The following DENND10 variants were observed in gnomAD, a reference collection of about 807,000 sequenced individuals.
The protein encoded by DENND10 is DENN domain-containing protein 10.
A neutral mutation model predicts 43.6 loss-of-function variants in DENND10; 24 were observed. The ratio of observed to expected loss-of-function variants is 0.55; its 90% CI spans 0.40 to 0.77. The LOEUF (loss-of-function observed/expected upper bound fraction) is 0.77. DENND10 is among the 30% of genes least tolerant of loss of function. The pLI, the probability that DENND10 is intolerant of heterozygous loss-of-function variation, is 0.00. For synonymous variants in DENND10, 125 were observed against 157.6 expected (o/e 0.79, Z 1.55); for missense variants, 303 against 429.9 (o/e 0.70, Z 2.61).
intron 6 of DENND10, among the ~76,000 whole-genome samples, chr10:119,127,317 C>T (rs750107354): frequency 6.6e-6 from 1 of 152,050 alleles, no homozygotes; most frequent in Non-Finnish European, 1.5e-5. Context: ...CTATGGATAA[C>T]CACTTGGACC....
chr10:119,117,707 C>T (rs767581508), intron 4 of DENND10, 40 bp downstream of exon 4: 12 of 1,603,894 alleles, frequency 7.5e-6, no homozygotes, highest in Non-Finnish European at 1.0e-5. Flanking sequence ...GTGGCTCACG[C>T]CTGTAATCCC....
chr10:119,114,208 C>G lies in DENND10; in HGVS notation c.332+2280C>G, dbSNP rs542102543. On this transcript the variant is annotated intron_variant, in intron 3 of 8. Transcript: ENST00000361432. ...TACTGCCAGCCGCCTCCTCTGCTTCCTGCCCCTTCATGCAGCACTATGCTC... is the reference window on the plus strand; with the variant it reads ...TACTGCCAGCCGCCTCCTCTGCTTCGTGCCCCTTCATGCAGCACTATGCTC... The G allele has an allele frequency of 2.6e-5, 4 of 152,504 alleles. No homozygotes were observed. In the South Asian group the frequency reaches 8.3e-4, roughly 32 times the overall value. The allele number at this position is 152,504 out of a possible 1,614,324, so 9.4% of individuals were successfully genotyped here.
intron 1 of DENND10, among the ~76,000 whole-genome samples, chr10:119,107,599 T>C (rs533689199): frequency 7.1e-4 from 108 of 152,184 alleles, no homozygotes; most frequent in African/African-American, 2.2e-3. Flanking sequence ...AGATGGGGTT[T>C]CTCCAGGTTG....
chr10:119,136,396 A>G lies in DENND10; in HGVS notation c.898-75A>G, dbSNP rs534168878. 2.4e-5 allele frequency: 37 copies of G among 1,511,026 alleles called. 1 individual carries two copies. In the East Asian group the frequency reaches 8.0e-4, roughly 32 times the overall value. 93.6% of individuals were successfully genotyped at this position (1,511,026 alleles called of 1,614,324 possible). A position where few individuals can be genotyped will look rare whatever the true frequency, so the allele number is the denominator to read the frequency against. ...AGTTTATAAACAGTCTGGAAAAAATAGGAAGAATTCTAGAGACTAAATATT... is the reference window on the plus strand; with the variant it reads ...AGTTTATAAACAGTCTGGAAAAAATGGGAAGAATTCTAGAGACTAAATATT... On this transcript the variant is annotated intron_variant, in intron 8 of 8. Transcript: ENST00000361432.
intron 7 of DENND10, among the ~76,000 whole-genome samples, chr10:119,131,415 G>T (rs1395210136): frequency 2.6e-5 from 4 of 152,228 alleles, no homozygotes; most frequent in Admixed American, 2.6e-4. Context: ...CCGAGATCGC[G>T]CCACTGCACT....
chr10:119,106,523 TG>T (rs1165271627), intron 1 of DENND10, among the ~76,000 whole-genome samples: 1 of 152,056 alleles, frequency 6.6e-6, no homozygotes, highest in Non-Finnish European at 1.5e-5. Context: ...ATTTTTTTTT[TG>T]TAGAGATGCG....
chr10:119,118,221 T>C (rs1027011527), intron 4 of DENND10, among the ~76,000 whole-genome samples: 3 of 152,336 alleles, frequency 2.0e-5, no homozygotes, highest in African/African-American at 7.2e-5. Flanking sequence ...TGAGTTAGAA[T>C]TCTCTCAGAG....
At chr10:119,115,845 C>G (rs1259849965) in intron 3 of DENND10, among the ~76,000 whole-genome samples, 5 of 149,664 alleles carry the variant, frequency 3.3e-5, no homozygotes, top group African/African-American at 7.4e-5. Context: ...CTCACTGCAA[C>G]CTCCTCTTCC....
chr10:119,110,318 TG>T (rs1844918721), intron 2 of DENND10, among the ~76,000 whole-genome samples: 1 of 151,440 alleles, frequency 6.6e-6, no homozygotes, highest in African/African-American at 2.4e-5. Context: ...ACTACAGGCA[TG>T]CACCACCACC....
intron 4 of DENND10, 146 bp from the exon 5 acceptor site, chr10:119,120,195 C>CAACT: frequency 1.9e-6 from 1 of 521,258 alleles, no homozygotes; most frequent in Non-Finnish European, 3.5e-6. Context: ...TTGCGGTGAG[C>CAACT]AACTATCTTG....
chr10:119,111,851 G>A lies in DENND10; in HGVS notation c.255G>A (p.Val85=), dbSNP rs1844991964. The change falls in exon 3 of 9, where the codon GTG becomes GTA. Residue 85 remains valine, a splice_region_variant and synonymous_variant. Coordinates refer to ENST00000361432, the MANE Select transcript of DENND10 (RefSeq NM_207009.4). ...EVPDSSILKK[V]THFSIVLTAK... The stretch of plus-strand genomic sequence containing the variant: ...TTTTTGTTGTTTCTTTTGAACAGGT[G>A]ACTCATTTTTCTATTGTCCTGACCG... 1.2e-6 allele frequency: 2 copies of A among 1,610,366 alleles called. No individual in the cohort carries two copies. Among genetic ancestry groups the A allele is most frequent in the East Asian group, 4.5e-5 (2 of 44,814 alleles).
intron 6 of DENND10, among the ~76,000 whole-genome samples, chr10:119,124,879 T>C (rs370497228): frequency 1.3e-5 from 2 of 152,096 alleles, no homozygotes; most frequent in Non-Finnish European, 1.5e-5. Flanking sequence ...CTGGGCAACA[T>C]AGGAGACCTG....
At chr10:119,135,609 CAG>C in intron 8 of DENND10, among the ~76,000 whole-genome samples, 1 of 151,666 alleles carries the variant, frequency 6.6e-6, no homozygotes, top group East Asian at 1.9e-4. Context: ...GACAAATTCA[CAG>C]AGTTAGACGG....
At chr10:119,113,698 A>G (rs1332154850) in intron 3 of DENND10, among the ~76,000 whole-genome samples, 1 of 151,536 alleles carries the variant, frequency 6.6e-6, no homozygotes, top group African/African-American at 2.4e-5. Flanking sequence ...AGCAAAAAAA[A>G]AAAAAGAGAA....
At chr10:119,124,551 G>T (rs996351967) in intron 6 of DENND10, among the ~76,000 whole-genome samples, 2 of 151,644 alleles carry the variant, frequency 1.3e-5, no homozygotes, top group South Asian at 2.1e-4. Flanking sequence ...CAGAAAAAAA[G>T]ATTTACCTTT....
In DENND10 at chr10:119,119,304, G is replaced by A. The variant is rs1238023044; in HGVS notation, c.482-1037G>A. ...CAGGCATGAGCTTCCGCGCCCGGCCGCTAATTTTTGTATTTTTAGTAGAGA... is the reference window on the plus strand; with the variant it reads ...CAGGCATGAGCTTCCGCGCCCGGCCACTAATTTTTGTATTTTTAGTAGAGA... On this transcript the variant is annotated intron_variant, in intron 4 of 8. Transcript: ENST00000361432. Among the ~76,000 whole-genome samples, 8 of 151,582 alleles carry A rather than the reference G, an allele frequency of 5.3e-5. No individual in the cohort carries two copies. The South Asian group carries it at 1.0e-3, about 20-fold the overall frequency.
intron 3 of DENND10, among the ~76,000 whole-genome samples, chr10:119,113,013 C>T (rs1845051046): frequency 1.3e-5 from 2 of 151,722 alleles, no homozygotes; most frequent in African/African-American, 2.4e-5. Flanking sequence ...CCACGCCCAG[C>T]TAATTTTTTG....
Position 119,117,585 on chromosome 10 carries a change from G to A in DENND10, c.399G>A (p.Gly133=). The A allele has an allele frequency of 3.1e-6, 5 of 1,613,750 alleles. No homozygotes were observed. The highest frequency in any genetic ancestry group is 4.2e-6 in the Non-Finnish European group (5 of 1,179,768). ...MESYIAVLTK[G]ICQSEENGSF... ...GTTATATTGCAGTTCTCACAAAGGG[G>A]ATATGCCAGAGTGAAGAAAACGGCT... is the stretch of plus-strand genomic sequence containing the variant. Residue 133 remains glycine (G), a synonymous_variant, in exon 4 of 9, where the codon GGG becomes GGA. Coordinates refer to ENST00000361432, the MANE Select transcript of DENND10 (RefSeq NM_207009.4).
At chr10:119,105,407 C>T in intron 1 of DENND10, 1 of 337,910 alleles carries the variant, frequency 3.0e-6, no homozygotes, top group Non-Finnish European at 4.8e-6. Flanking sequence ...CCCGCCTCGG[C>T]CTCCGAGTAG....
Sources: gnomAD v4.1 joint callset for allele counts (sites outside exome capture counted in the v4.1 genomes callset) on GRCh38, gnomAD v4.1.1 for gene constraint, MANE v1.5 for transcripts, NCBI Gene and HGNC (gene_info 2026-07-23, HGNC 2026-07-21) for gene names.